Variants in CNTNAP2 observed in about 807,000 individuals in gnomAD.
CNTNAP2 encodes the protein contactin associated protein 2.
CNTNAP2 carries 98 observed loss-of-function variants against 155.2 expected under a neutral mutation model. That is an observed-to-expected ratio of 0.63 (90% CI 0.54 to 0.75). The LOEUF is 0.75. Among genes scored for constraint, CNTNAP2 ranks in the 30% least tolerant of loss-of-function variants. CNTNAP2 has a pLI of 0.00. For synonymous variants in CNTNAP2, 651 were observed against 631.2 expected (o/e 1.03, Z -0.47); for missense variants, 1,727 against 1,688.1 (o/e 1.02, Z -0.40).
At chr7:146,151,194 C>T (rs1389907210) in intron 1 of CNTNAP2, among the ~76,000 whole-genome samples, 3 of 152,066 alleles carry the variant, frequency 2.0e-5, no homozygotes, top group African/African-American at 4.8e-5. Flanking sequence ...CCGGGGATTA[C>T]AATTCAAGAT....
intron 3 of CNTNAP2, among the ~76,000 whole-genome samples, chr7:146,943,816 C>T (rs1290919201): frequency 6.6e-6 from 1 of 152,116 alleles, no homozygotes; most frequent in African/African-American, 2.4e-5. Flanking sequence ...AGAGAAATTA[C>T]TTACTACTGC....
chr7:147,229,701 A>G (rs576710026), intron 8 of CNTNAP2, among the ~76,000 whole-genome samples: 1 of 152,358 alleles, frequency 6.6e-6, no homozygotes, highest in East Asian at 1.9e-4. Flanking sequence ...CATTGAAAAT[A>G]TGTTCTTGTC....
chr7:146,875,957 AAAAAC>A lies in CNTNAP2; in HGVS notation c.402+36058_402+36062del, dbSNP rs1447463372. On this transcript the variant is annotated intron_variant, in intron 3 of 23. Transcript: ENST00000361727. ...AGCAAAAAAAAAAAAAAAAAAAAAAAAAAACAAAAAACAAAAAAACGAGAAGAAGA... is the reference window on the plus strand; with the variant it reads ...AGCAAAAAAAAAAAAAAAAAAAAAAAAAAAAACAAAAAAACGAGAAGAAGA... Among the ~76,000 whole-genome samples, 892 of 141,434 alleles carry A rather than the reference AAAAAC, an allele frequency of 6.3e-3. 14 individuals are homozygous for A. The highest frequency in any genetic ancestry group is 0.023 in the African/African-American group (818 of 35,308). The allele number at this position is 141,434 out of a possible 152,430, so 92.8% of individuals were successfully genotyped here. A position where few individuals can be genotyped will look rare whatever the true frequency, so the allele number is the denominator to read the frequency against.
chr7:148,126,765 C>T (rs1260750804), intron 16 of CNTNAP2, among the ~76,000 whole-genome samples: 1 of 152,058 alleles, frequency 6.6e-6, no homozygotes, highest in African/African-American at 2.4e-5. Flanking sequence ...GGACGAGTCA[C>T]AGGTGGACGC....
chr7:147,889,781 A>T (rs1230871832), intron 13 of CNTNAP2, among the ~76,000 whole-genome samples: 5 of 152,200 alleles, frequency 3.3e-5, no homozygotes, highest in African/African-American at 1.2e-4. Context: ...TAAATTTTAA[A>T]TAGCTGCGTG....
At chr7:146,649,573 T>C (rs1293753905) in intron 1 of CNTNAP2, among the ~76,000 whole-genome samples, 2 of 152,168 alleles carry the variant, frequency 1.3e-5, no homozygotes, top group African/African-American at 2.4e-5. Flanking sequence ...TGGAGGAAAC[T>C]GGAAATTATT....
At chr7:147,118,517 T>G (rs1801034657) in intron 5 of CNTNAP2, among the ~76,000 whole-genome samples, 1 of 152,188 alleles carries the variant, frequency 6.6e-6, no homozygotes, top group Non-Finnish European at 1.5e-5. Context: ...ATTAAATATA[T>G]GCAGTCATGT....
intron 11 of CNTNAP2, among the ~76,000 whole-genome samples, chr7:147,549,406 A>G (rs1257661656): frequency 4.0e-5 from 6 of 151,876 alleles, no homozygotes; most frequent in African/African-American, 1.5e-4. Context: ...CTGCTTACCT[A>G]TTGTTGGTGT....
chr7:146,696,631 C>A (rs1800786677), intron 1 of CNTNAP2, among the ~76,000 whole-genome samples: 1 of 152,064 alleles, frequency 6.6e-6, no homozygotes, highest in Admixed American at 6.6e-5. Context: ...TATTTTAGAT[C>A]TTTCTTTTCT....
intron 1 of CNTNAP2, among the ~76,000 whole-genome samples, chr7:146,661,838 T>G (rs1488991003): frequency 6.6e-6 from 1 of 151,834 alleles, no homozygotes; most frequent in East Asian, 1.9e-4. Context: ...AATGGCTGGG[T>G]AGGATGGTAT....
At chr7:147,466,816 G>C (rs1798128753) in intron 10 of CNTNAP2, among the ~76,000 whole-genome samples, 1 of 152,132 alleles carries the variant, frequency 6.6e-6, no homozygotes, top group Non-Finnish European at 1.5e-5. Flanking sequence ...TACTGGGGAG[G>C]CTGAGGCAGG....
At chr7:147,188,457 A>C (rs1041207078) in intron 8 of CNTNAP2, among the ~76,000 whole-genome samples, 1 of 152,246 alleles carries the variant, frequency 6.6e-6, no homozygotes, top group African/African-American at 2.4e-5. Flanking sequence ...GAGAGCTATG[A>C]AATTGACTAT....
intron 16 of CNTNAP2, among the ~76,000 whole-genome samples, chr7:148,125,846 C>T (rs1380229074): frequency 6.6e-6 from 1 of 151,758 alleles, no homozygotes; most frequent in Admixed American, 6.6e-5. Context: ...GGATCACAGA[C>T]ATGTGCCACT....
intron 13 of CNTNAP2, among the ~76,000 whole-genome samples, chr7:147,797,862 A>T (rs549528730): frequency 1.3e-5 from 2 of 152,204 alleles, no homozygotes; most frequent in Non-Finnish European, 2.9e-5. Context: ...CACTAAAACA[A>T]ATAGATTAAA....
chr7:148,180,745 G>A (rs1351699430), intron 18 of CNTNAP2, among the ~76,000 whole-genome samples: 1 of 152,152 alleles, frequency 6.6e-6, no homozygotes, highest in Non-Finnish European at 1.5e-5. Flanking sequence ...AAACTTAGTG[G>A]CATTCTGCAA....
intron 8 of CNTNAP2, among the ~76,000 whole-genome samples, chr7:147,256,734 T>A (rs1804336561): frequency 6.6e-6 from 1 of 152,142 alleles, no homozygotes; most frequent in Non-Finnish European, 1.5e-5. Flanking sequence ...AGGGAACCTG[T>A]CTGTGTGAGG....
rs1584889473 is a variant in CNTNAP2 at position 147,347,461 on chromosome 7, T to TATATATATATATATATATATGC, written c.1498+47185_1498+47186insATATATGCATATATATATATAT. On this transcript the variant is annotated intron_variant, in intron 9 of 23. Coordinates refer to ENST00000361727, the MANE Select transcript of CNTNAP2 (RefSeq NM_014141.6). ...ATATGCATATATATATATATGCATA[T>TATATATATATATATATATATGC]ATATATATATATATGCATATATATA... Among the ~76,000 whole-genome samples the TATATATATATATATATATATGC allele has an allele frequency of 6.2e-4, 39 of 62,514 alleles. 2 individuals carry two copies. In the East Asian group the frequency reaches 8.4e-3, roughly 13 times the overall value. The allele number at this position is 62,514 out of a possible 152,430, so 41.0% of individuals were successfully genotyped here.
intron 10 of CNTNAP2, among the ~76,000 whole-genome samples, chr7:147,420,696 A>G (rs933561558): frequency 8.5e-5 from 13 of 152,340 alleles, no homozygotes; most frequent in African/African-American, 2.9e-4. Context: ...TGAAATACTA[A>G]CGTTGCATTC....
intron 22 of CNTNAP2, among the ~76,000 whole-genome samples, chr7:148,398,546 G>T (rs1339992846): frequency 1.3e-5 from 2 of 152,212 alleles, no homozygotes; most frequent in Non-Finnish European, 2.9e-5. Flanking sequence ...GCCAAAGTAT[G>T]GCCTTTGAAT....
Sources: gnomAD v4.1 joint callset for allele counts (sites outside exome capture counted in the v4.1 genomes callset) on GRCh38, gnomAD v4.1.1 for gene constraint, MANE v1.5 for transcripts, NCBI Gene and HGNC (gene_info 2026-07-23, HGNC 2026-07-21) for gene names.